The following ST7L variants were observed in gnomAD, a reference collection of about 807,000 sequenced individuals.
ST7L encodes suppressor of tumorigenicity 7 protein-like.
In ST7L, 57 loss-of-function variants were observed where a neutral mutation model predicts 72.5. That is an observed-to-expected ratio of 0.79 (90% confidence interval 0.64 to 0.98). The LOEUF is 0.98. Ranked by LOEUF, ST7L falls within the 50% of genes least tolerant of loss-of-function variation. The pLI, the probability that ST7L is intolerant of heterozygous loss-of-function variation, is 0.00. For synonymous variants in ST7L, 221 were observed against 240.9 expected, an observed-to-expected ratio of 0.92 and a Z score of 0.77; for missense variants, 576 against 672.2, an observed-to-expected ratio of 0.86 and a Z score of 1.58.
rs531199684 is a variant in ST7L, at chr1:112,585,826, A to C, written c.702-1700T>G. ...TTCTTTTTACTTTTTAAATGTGGCT[A>C]CTAGAAAATTTAAAGTTACATATGT... On this transcript the variant is annotated intron_variant, in intron 6 of 14. Transcript: ENST00000358039. Among the ~76,000 whole-genome samples, 513 of 152,322 alleles carry C rather than the reference A, an allele frequency of 3.4e-3. 1 individual carries two copies. The highest frequency in any genetic ancestry group is 6.0e-3 in the Non-Finnish European group (406 of 68,014).
chr1:112,556,138 T>TA (rs1659083935), intron 11 of ST7L, 120 bp from the exon 12 acceptor site: 1 of 756,372 alleles, frequency 1.3e-6, no homozygotes, highest in Non-Finnish European at 1.9e-6. Context: ...AACTGATTTT[T>TA]AAAAAACTAA....
chr1:112,540,077 G>A (rs1376530351), intron 14 of ST7L: 1 of 985,234 alleles, frequency 1.0e-6, no homozygotes. Flanking sequence ...AGATTCTTCT[G>A]GTGCCATTAG....
intron 11 of ST7L, among the ~76,000 whole-genome samples, chr1:112,576,322 GC>G (rs1237990837): frequency 6.6e-6 from 1 of 152,140 alleles, no homozygotes; most frequent in South Asian, 2.1e-4. Context: ...AAACTCCTGG[GC>G]TCAAGTAATC....
At chr1:112,519,872 C>CT (rs71081244), downstream of ST7L, among the ~76,000 whole-genome samples, 8,047 of 115,702 alleles carry the variant, frequency 0.07, 495 homozygotes, top group Admixed American at 0.18. Context: ...GCCCATGCTT[C>CT]TTTTTTTTTT....
intron 13 of ST7L, among the ~76,000 whole-genome samples, chr1:112,544,720 C>T (rs1385990416): frequency 6.6e-6 from 1 of 152,128 alleles, no homozygotes; most frequent in African/African-American, 2.4e-5. Flanking sequence ...TTTTCAGTAA[C>T]CCTAAGAGAT....
chr1:112,572,776 A>T (rs1310040656), intron 11 of ST7L, among the ~76,000 whole-genome samples: 1 of 152,172 alleles, frequency 6.6e-6, no homozygotes, highest in Non-Finnish European at 1.5e-5. Flanking sequence ...TATGCAGTTA[A>T]AATTGTGTTG....
chr1:112,588,904 C>G (rs778221145), intron 6 of ST7L, among the ~76,000 whole-genome samples: 9 of 152,154 alleles, frequency 5.9e-5, no homozygotes, highest in Non-Finnish European at 1.0e-4. Context: ...CTACAGTTCT[C>G]TCAGACTCTG....
At chr1:112,570,570 TACACAC>T (rs1553248207) in intron 11 of ST7L, among the ~76,000 whole-genome samples, 1 of 143,354 alleles carries the variant, frequency 7.0e-6, no homozygotes, top group East Asian at 2.1e-4. Flanking sequence ...TATATATATA[TACACAC>T]ACACATATAT....
At chr1:112,569,964 AAAAAAAAAAAC>A (rs887961539) in intron 11 of ST7L, among the ~76,000 whole-genome samples, 2 of 151,474 alleles carry the variant, frequency 1.3e-5, no homozygotes, top group African/African-American at 4.8e-5. Flanking sequence ...TCTCAAAAAA[AAAAAAAAAAAC>A]AAAAAAACTA....
At chr1:112,613,643 T>C (rs1370972015) in intron 2 of ST7L, among the ~76,000 whole-genome samples, 1 of 152,236 alleles carries the variant, frequency 6.6e-6, no homozygotes, top group Admixed American at 6.5e-5. Context: ...AGTTTAACCT[T>C]TAAAATGTTA....
intron 14 of ST7L, among the ~76,000 whole-genome samples, chr1:112,541,369 G>A (rs1236414019): frequency 6.6e-6 from 1 of 151,968 alleles, no homozygotes; most frequent in African/African-American, 2.4e-5. Context: ...TGGGGAAGTA[G>A]TTCAAAACTA....
chr1:112,544,610 G>A (rs926587785), intron 13 of ST7L, among the ~76,000 whole-genome samples: 2 of 152,154 alleles, frequency 1.3e-5, no homozygotes, highest in South Asian at 4.2e-4. Flanking sequence ...TCAAGAAGGT[G>A]GGAAACACAT....
chr1:112,600,074 CTT>C (rs1667159442), intron 4 of ST7L, among the ~76,000 whole-genome samples: 2 of 152,038 alleles, frequency 1.3e-5, no homozygotes, highest in African/African-American at 4.8e-5. Flanking sequence ...GAGTTTTGCT[CTT>C]GTCGCCTGGG....
chr1:112,580,230 C>T (rs187224981), intron 9 of ST7L, among the ~76,000 whole-genome samples: 5 of 152,306 alleles, frequency 3.3e-5, no homozygotes, highest in Admixed American at 3.3e-4. Context: ...TTCACTGCAA[C>T]CTCTACCTCC....
Position 112,525,827 on chromosome 1 carries a change from T to C in ST7L, c.*186A>G, listed in dbSNP as rs144725546. The C allele has an allele frequency of 7.6e-5, 54 of 709,178 alleles. No individual in the cohort carries two copies. In the East Asian group the frequency reaches 1.6e-3, roughly 21 times the overall value. 43.9% of individuals were successfully genotyped at this position (709,178 alleles called of 1,614,324 possible). On this transcript the variant is annotated 3_prime_UTR_variant, in exon 15 of 15. Coordinates refer to ENST00000358039, the MANE Select transcript of ST7L (RefSeq NM_017744.5). ...CAATTTCATCTACAGTTGTCCTTTT[T>C]GACAGCTTCCAAGGGGGGTTTGCCT...
At chr1:112,614,091 G>T (rs1669489559) in intron 2 of ST7L, among the ~76,000 whole-genome samples, 1 of 152,164 alleles carries the variant, frequency 6.6e-6, no homozygotes, top group Non-Finnish European at 1.5e-5. Context: ...TCTTATAAAT[G>T]AGGAAATTAT....
intron 1 of ST7L, chr1:112,618,056 G>A: frequency 3.8e-6 from 5 of 1,303,866 alleles, no homozygotes; most frequent in Non-Finnish European, 5.1e-6. Flanking sequence ...GCTGCCTTTT[G>A]CTTCAGAAAA....
At chr1:112,550,991 A>T (rs1258777482) in intron 12 of ST7L, among the ~76,000 whole-genome samples, 2 of 151,982 alleles carry the variant, frequency 1.3e-5, no homozygotes, top group African/African-American at 2.4e-5. Context: ...ATTCCAAAGC[A>T]GAATTGATAA....
chr1:112,540,018 TCA>T, intron 14 of ST7L: 16 of 985,442 alleles, frequency 1.6e-5, no homozygotes, highest in Non-Finnish European at 1.9e-5. Context: ...TTATTCATTC[TCA>T]GTCTCTACTA....
Sources: gnomAD v4.1 joint callset for allele counts (sites outside exome capture counted in the v4.1 genomes callset) on GRCh38, gnomAD v4.1.1 for gene constraint, MANE v1.5 for transcripts, NCBI Gene and HGNC (gene_info 2026-07-23, HGNC 2026-07-21) for gene names.